ANKRD11: variants seen among roughly 807,000 people sequenced by gnomAD.
ANKRD11 encodes the protein ankyrin repeat domain 11, also known as ankyrin repeat domain-containing protein 11.
In ANKRD11, 17 loss-of-function variants were observed where a neutral mutation model predicts 195.7. That is an observed-to-expected ratio of 0.09 (90% CI 0.06 to 0.13). The LOEUF (loss-of-function observed/expected upper bound fraction) is 0.13. ANKRD11 is among the 10% of genes least tolerant of loss of function. The pLI is 1.00. For synonymous variants in ANKRD11, 1,953 were observed against 1,528.1 expected, an observed-to-expected ratio of 1.28 and a Z score of -6.49; for missense variants, 3,735 against 3,566.1, an observed-to-expected ratio of 1.05 and a Z score of -1.21.
Position 89,284,627 on chromosome 16 carries a change from T to G in ANKRD11, c.1915A>C (p.Lys639Gln), listed in dbSNP as rs757734392. 6.2e-7 allele frequency: 1 copy of G among 1,614,134 alleles called. No individual in the cohort carries two copies. Among genetic ancestry groups the G allele is most frequent in the Non-Finnish European group, 8.5e-7 (1 of 1,180,000 alleles). The part of the protein sequence containing the change: ...VKKHKTKHKH[K>Q]NKEKGQCSIS... Reference sequence around the variant, plus strand: ...GAACACTGTCCCTTCTCCTTGTTTTTGTGTTTGTGTTTTGTTTTATGTTTT... The same window carrying G: ...GAACACTGTCCCTTCTCCTTGTTTTGGTGTTTGTGTTTTGTTTTATGTTTT... The change falls in exon 9 of 13, where the codon AAA becomes CAA. Residue 639 changes from lysine (K) to glutamine (Q), a missense_variant. Lys to Gln is a moderately conservative substitution (Grantham distance 53). Transcript: ENST00000301030.
At chr16:89,455,408 T>C (rs1336244603) in intron 1 of ANKRD11, among the ~76,000 whole-genome samples, 2 of 152,110 alleles carry the variant, frequency 1.3e-5, no homozygotes, top group African/African-American at 4.8e-5. Context: ...CCCACATAGC[T>C]ATATAAGCTA....
chr16:89,474,649 C>T (rs535023686), intron 1 of ANKRD11, among the ~76,000 whole-genome samples: 1 of 152,260 alleles, frequency 6.6e-6, no homozygotes, highest in East Asian at 1.9e-4. Flanking sequence ...ATGATGCCAA[C>T]CCCACTGAGA....
chr16:89,430,195 G>C (rs1196812101), intron 1 of ANKRD11, among the ~76,000 whole-genome samples: 63 of 51,412 alleles, frequency 1.2e-3, no homozygotes, highest in Admixed American at 2.2e-3. Context: ...TCAACTCTCA[G>C]GCTCAGACGT....
At chr16:89,477,194 C>G (rs530185580) in intron 1 of ANKRD11, among the ~76,000 whole-genome samples, 22 of 142,356 alleles carry the variant, frequency 1.5e-4, no homozygotes, top group Non-Finnish European at 3.1e-5. Flanking sequence ...GTCATTTCCC[C>G]TTTTTTTTTT....
chr16:89,386,946 G>C (rs1470355105), intron 2 of ANKRD11, among the ~76,000 whole-genome samples: 1 of 152,052 alleles, frequency 6.6e-6, no homozygotes, highest in East Asian at 1.9e-4. Context: ...AGGGCATGAA[G>C]GGCTTGGCAG....
At chr16:89,378,153 C>G (rs868268898) in intron 2 of ANKRD11, among the ~76,000 whole-genome samples, 1 of 152,098 alleles carries the variant, frequency 6.6e-6, no homozygotes, top group African/African-American at 2.4e-5. Context: ...AGTTTGAGAC[C>G]AGCCTGGGCA....
intron 2 of ANKRD11, among the ~76,000 whole-genome samples, chr16:89,342,436 A>G (rs2038735721): frequency 1.3e-5 from 2 of 152,230 alleles, no homozygotes; most frequent in Admixed American, 6.5e-5. Flanking sequence ...AATACTCTGG[A>G]CCAGGTTTGC....
intron 2 of ANKRD11, among the ~76,000 whole-genome samples, chr16:89,366,081 A>C (rs1054677354): frequency 2.0e-5 from 3 of 149,908 alleles, no homozygotes; most frequent in Admixed American, 6.7e-5. Flanking sequence ...AGTGAGCTAA[A>C]ATGGCGCCAC....
intron 1 of ANKRD11, among the ~76,000 whole-genome samples, chr16:89,427,992 G>A (rs2042791926): frequency 6.6e-6 from 1 of 151,732 alleles, no homozygotes; most frequent in Non-Finnish European, 1.5e-5. Flanking sequence ...TGGATCACTT[G>A]AGGTCAGCAG....
intron 1 of ANKRD11, among the ~76,000 whole-genome samples, chr16:89,445,949 A>G (rs1401605328): frequency 6.6e-6 from 1 of 151,852 alleles, no homozygotes; most frequent in Non-Finnish European, 1.5e-5. Context: ...GGCCTGGGCA[A>G]CAAGAGCGAA....
At chr16:89,445,818 T>C (rs969549291) in intron 1 of ANKRD11, among the ~76,000 whole-genome samples, 6 of 151,812 alleles carry the variant, frequency 4.0e-5, no homozygotes, top group Non-Finnish European at 2.9e-5. Context: ...CTACTAAAAA[T>C]ACAAAATTAG....
At chr16:89,274,559 C>G (rs1006150473) in intron 11 of ANKRD11, among the ~76,000 whole-genome samples, 17 of 152,346 alleles carry the variant, frequency 1.1e-4, no homozygotes, top group African/African-American at 3.8e-4. Context: ...TACGGAGGGA[C>G]TGAGCTGCTG....
intron 1 of ANKRD11, among the ~76,000 whole-genome samples, chr16:89,421,675 G>A (rs1328429219): frequency 8.3e-6 from 1 of 120,268 alleles, no homozygotes; most frequent in Non-Finnish European, 1.7e-5. Context: ...GTGTGATGAC[G>A]GAGTCAGGGA....
intron 1 of ANKRD11, chr16:89,431,327 C>G (rs1168997143): frequency 1.3e-5 from 2 of 152,960 alleles, no homozygotes; most frequent in Admixed American, 6.5e-5. Context: ...GCTGCACGGG[C>G]TGGAGAGAGA....
rs183254723 is a variant in ANKRD11 at position 89,286,242 on chromosome 16, C to T, written c.745-56G>A. The T allele has an allele frequency of 2.3e-4, 366 of 1,601,892 alleles. No individual in the cohort carries two copies. The African/African-American group carries it at 3.2e-3, about 14-fold the overall frequency. ...TGCTGGAGAAGCACAACTCCTCTAC[C>T]GTTCCGCATAACACGGCAGCCCCTT... On this transcript the variant is annotated intron_variant, in intron 7 of 12. Coordinates refer to ENST00000301030, the MANE Select transcript of ANKRD11 (RefSeq NM_013275.6).
intron 11 of ANKRD11, chr16:89,271,839 A>G (rs1388879963): frequency 6.6e-6 from 1 of 152,170 alleles, no homozygotes; most frequent in Non-Finnish European, 1.5e-5. Flanking sequence ...GCCTGGGCAA[A>G]CATTTCTCAA....
At chr16:89,289,719 G>C (rs2034899572) in intron 6 of ANKRD11, among the ~76,000 whole-genome samples, 1 of 152,216 alleles carries the variant, frequency 6.6e-6, no homozygotes, top group Non-Finnish European at 1.5e-5. Flanking sequence ...ATGGAACACA[G>C]CAGAGTAAAA....
At position 89,316,950 on chromosome 16, in the gene ANKRD11, T is replaced by C; in HGVS notation, c.70A>G (p.Lys24Glu). The C allele has an allele frequency of 1.9e-6, 3 of 1,613,730 alleles. No individual in the cohort carries two copies. Among genetic ancestry groups the C allele is most frequent in the Non-Finnish European group, 2.5e-6 (3 of 1,179,886 alleles). The change falls in exon 3 of 13, where the codon AAG becomes GAG. Residue 24 changes from lysine to glutamate, a missense_variant. Coordinates refer to ENST00000301030, the MANE Select transcript of ANKRD11 (RefSeq NM_013275.6). ...AGCATTACCTTTTTCCCAGTCTGCT[T>C]CTCCACCATGTCGCTGCTGAGGGGA... is the stretch of plus-strand genomic sequence containing the variant. ...ELPLSSDMVEKQTGKKDKDKV... is the reference protein window; with the variant it reads ...ELPLSSDMVEEQTGKKDKDKV...
At chr16:89,382,910 G>A (rs1197878209) in intron 2 of ANKRD11, among the ~76,000 whole-genome samples, 1 of 152,084 alleles carries the variant, frequency 6.6e-6, no homozygotes, top group African/African-American at 2.4e-5. Context: ...GCATGATCTC[G>A]GCTCACTGCA....
Sources: gnomAD v4.1 joint callset for allele counts (sites outside exome capture counted in the v4.1 genomes callset) on GRCh38, gnomAD v4.1.1 for gene constraint, MANE v1.5 for transcripts, NCBI Gene and HGNC (gene_info 2026-07-23, HGNC 2026-07-21) for gene names.